The following ANKS1B variants were observed in gnomAD, a reference collection of about 807,000 sequenced individuals.
ANKS1B encodes ankyrin repeat and sterile alpha motif domain containing 1B.
Under a neutral mutation model 148.3 loss-of-function variants are expected in ANKS1B, and 36 were observed. The ratio of observed to expected loss-of-function variants is 0.24; its 90% CI spans 0.19 to 0.32. The LOEUF is 0.32. Among genes scored for constraint, ANKS1B ranks in the 10% least tolerant of loss-of-function variants. The pLI is 1.00. For missense variants in ANKS1B, 1,157 were observed against 1,542.6 expected (o/e 0.75, Z 4.19); for synonymous variants, 542 against 560.8 (o/e 0.97, Z 0.47).
In ANKS1B at chr12:99,510,887, T is replaced by G. The variant is rs555365041; in HGVS notation, c.1273-6246A>C. The stretch of plus-strand genomic sequence containing the variant: ...CCCACTGATTTTGTATCCTGAGAGT[T>G]TGCTGAAATTGCTTATCAGCTTAAG... On this transcript the variant is annotated intron_variant, in intron 9 of 26. Transcript: ENST00000683438. 3.9e-5 allele frequency among the ~76,000 whole-genome samples: 6 copies of G among 152,160 alleles called. No individual in the cohort carries two copies. The East Asian group carries it at 7.8e-4, about 20-fold the overall frequency.
At chr12:99,955,305 T>A (rs570856478) in intron 1 of ANKS1B, among the ~76,000 whole-genome samples, 1 of 151,812 alleles carries the variant, frequency 6.6e-6, no homozygotes, top group Non-Finnish European at 1.5e-5. Context: ...CCATCCTGGC[T>A]GACACGGTGA....
At chr12:99,794,155 C>T (rs1039006336) in intron 4 of ANKS1B, among the ~76,000 whole-genome samples, 4 of 151,680 alleles carry the variant, frequency 2.6e-5, no homozygotes, top group Admixed American at 2.6e-4. Context: ...GGCTTTTATC[C>T]AAATGTTAAG....
chr12:99,861,785 G>T (rs1010803559), intron 1 of ANKS1B, among the ~76,000 whole-genome samples: 10 of 152,034 alleles, frequency 6.6e-5, no homozygotes, highest in African/African-American at 2.4e-4. Flanking sequence ...TGTAATTCAC[G>T]ATCTACCCAT....
At chr12:98,878,542 A>G (rs1338136372) in intron 17 of ANKS1B, among the ~76,000 whole-genome samples, 3 of 152,122 alleles carry the variant, frequency 2.0e-5, no homozygotes, top group Non-Finnish European at 2.9e-5. Context: ...CTTGTTTGCT[A>G]TTTTGTTTGT....
chr12:99,764,349 T>C (rs534840762), intron 8 of ANKS1B, among the ~76,000 whole-genome samples: 101 of 152,270 alleles, frequency 6.6e-4, no homozygotes, highest in African/African-American at 2.1e-3. Flanking sequence ...TAAGTAGAGA[T>C]GGTAGGGATA....
At chr12:99,434,578 C>T (rs1443796729) in intron 11 of ANKS1B, among the ~76,000 whole-genome samples, 1 of 151,790 alleles carries the variant, frequency 6.6e-6, no homozygotes, top group Non-Finnish European at 1.5e-5. Context: ...TTTCATTATT[C>T]TTATAGCACA....
chr12:99,649,367 C>G (rs777018396), intron 9 of ANKS1B: 3 of 1,614,024 alleles, frequency 1.9e-6, no homozygotes, highest in South Asian at 2.2e-5. Context: ...ATGTTTGGGT[C>G]CACCTATTGT....
intron 8 of ANKS1B, among the ~76,000 whole-genome samples, chr12:99,750,677 T>G (rs1376469491): frequency 6.6e-6 from 1 of 151,920 alleles, no homozygotes; most frequent in Non-Finnish European, 1.5e-5. Flanking sequence ...TCCAGGCCCA[T>G]CCCCTTTAAC....
At chr12:99,293,440 G>A (rs970887887) in intron 12 of ANKS1B, among the ~76,000 whole-genome samples, 5 of 152,058 alleles carry the variant, frequency 3.3e-5, no homozygotes, top group South Asian at 2.1e-4. Context: ...CATGGCACAC[G>A]TATACCTATG....
At chr12:99,836,522 T>C (rs2084887185) in intron 1 of ANKS1B, among the ~76,000 whole-genome samples, 1 of 152,148 alleles carries the variant, frequency 6.6e-6, no homozygotes, top group Non-Finnish European at 1.5e-5. Flanking sequence ...ATTGAATGAC[T>C]ATGAGCAAAA....
chr12:98,770,252 G>T (rs1325924913), intron 25 of ANKS1B, among the ~76,000 whole-genome samples: 1 of 152,232 alleles, frequency 6.6e-6, no homozygotes, highest in Non-Finnish European at 1.5e-5. Flanking sequence ...AGAGAGTAGA[G>T]AGATAGCTGA....
At chr12:99,108,558 G>C (rs1204928009) in intron 15 of ANKS1B, among the ~76,000 whole-genome samples, 2 of 152,126 alleles carry the variant, frequency 1.3e-5, no homozygotes, top group Non-Finnish European at 2.9e-5. Flanking sequence ...AAATAATAGA[G>C]ACAGTAAAAC....
intron 1 of ANKS1B, among the ~76,000 whole-genome samples, chr12:99,940,642 A>G (rs2094897038): frequency 1.3e-5 from 2 of 152,156 alleles, no homozygotes; most frequent in South Asian, 4.1e-4. Context: ...ATCTTACTTA[A>G]CGCTTCCAAC....
chr12:99,320,162 T>A (rs2084961248), intron 12 of ANKS1B, among the ~76,000 whole-genome samples: 1 of 152,174 alleles, frequency 6.6e-6, no homozygotes, highest in South Asian at 2.1e-4. Context: ...ATCTGACAAT[T>A]ATGTGTCTTG....
chr12:99,954,265 TCAATC>T (rs1566074184), intron 1 of ANKS1B, among the ~76,000 whole-genome samples: 1 of 152,168 alleles, frequency 6.6e-6, no homozygotes, highest in Non-Finnish European at 1.5e-5. Context: ...TAATAAATCT[TCAATC>T]CAGTTCTTTC....
intron 11 of ANKS1B, among the ~76,000 whole-genome samples, chr12:99,411,298 G>A (rs2094698311): frequency 6.6e-6 from 1 of 152,172 alleles, no homozygotes; most frequent in South Asian, 2.1e-4. Context: ...GTAAGAATGT[G>A]TGGTATTTGG....
At chr12:99,166,329 G>C (rs2077182351) in intron 14 of ANKS1B, among the ~76,000 whole-genome samples, 1 of 151,824 alleles carries the variant, frequency 6.6e-6, no homozygotes, top group South Asian at 2.1e-4. Context: ...CAGTAGAACT[G>C]CTTCTTGCTT....
chr12:99,061,109 T>A (rs1038056053), intron 16 of ANKS1B, among the ~76,000 whole-genome samples: 1 of 152,208 alleles, frequency 6.6e-6, no homozygotes, highest in Admixed American at 6.5e-5. Context: ...ATAATGGGGT[T>A]AAATTGGGTT....
intron 1 of ANKS1B, among the ~76,000 whole-genome samples, chr12:99,910,110 C>T (rs1009655650): frequency 2.6e-5 from 4 of 152,036 alleles, no homozygotes; most frequent in East Asian, 1.9e-4. Flanking sequence ...TGGTGGCTCA[C>T]GCCTGTAATC....
Sources: gnomAD v4.1 joint callset for allele counts (sites outside exome capture counted in the v4.1 genomes callset) on GRCh38, gnomAD v4.1.1 for gene constraint, MANE v1.5 for transcripts, NCBI Gene and HGNC (gene_info 2026-07-23, HGNC 2026-07-21) for gene names.